PPM1E: variants seen among roughly 807,000 people sequenced by gnomAD.
PPM1E encodes protein phosphatase, Mg2+/Mn2+ dependent 1E.
Under a neutral mutation model 65.9 loss-of-function variants are expected in PPM1E, and 20 were observed. The ratio of observed to expected loss-of-function variants is 0.30; its 90% CI spans 0.21 to 0.44. The LOEUF (loss-of-function observed/expected upper bound fraction) is 0.44. Ranked by LOEUF, PPM1E falls within the 20% of genes least tolerant of loss-of-function variation. PPM1E has a pLI of 1.00. For missense variants in PPM1E, 713 were observed against 953.1 expected, an observed-to-expected ratio of 0.75 and a Z score of 3.32; for synonymous variants, 352 against 374.9, an observed-to-expected ratio of 0.94 and a Z score of 0.70.
rs2031370422 is a variant in PPM1E, at chr17:58,981,782, A to C, written c.*751A>C. Reference sequence around the variant, plus strand: ...GGAAATTTTTATTATTTAGCATTTTAGGAGACCGCTGTCAACTGGTTTTAA... The same window carrying C: ...GGAAATTTTTATTATTTAGCATTTTCGGAGACCGCTGTCAACTGGTTTTAA... On this transcript the variant is annotated 3_prime_UTR_variant, in exon 7 of 7. Transcript: ENST00000308249. 6.6e-6 allele frequency: 1 copy of C among 152,506 alleles called. No individual in the cohort carries two copies. Among genetic ancestry groups the C allele is most frequent in the South Asian group, 2.1e-4 (1 of 4,824 alleles). The allele number at this position is 152,506 out of a possible 1,614,324, so 9.4% of individuals were successfully genotyped here. A position where few individuals can be genotyped will look rare whatever the true frequency, so the allele number is the denominator to read the frequency against.
chr17:58,783,965 C>G (rs2050073583), intron 1 of PPM1E, among the ~76,000 whole-genome samples: 3 of 151,794 alleles, frequency 2.0e-5, no homozygotes, highest in African/African-American at 7.3e-5. Flanking sequence ...CCTGCCTCAG[C>G]CTCCCAAAGT....
chr17:58,928,958 C>A (rs2051859326), intron 1 of PPM1E, among the ~76,000 whole-genome samples: 1 of 152,104 alleles, frequency 6.6e-6, no homozygotes, highest in Non-Finnish European at 1.5e-5. Context: ...CCCGCCTCGG[C>A]CTCCCAAAGT....
chr17:58,933,631 A>G (rs919609016), intron 1 of PPM1E, among the ~76,000 whole-genome samples: 3 of 151,888 alleles, frequency 2.0e-5, no homozygotes, highest in African/African-American at 7.3e-5. Context: ...CTCCATCTCT[A>G]CTAACAATAC....
chr17:58,794,825 T>C (rs1426984318), intron 1 of PPM1E, among the ~76,000 whole-genome samples: 1 of 152,176 alleles, frequency 6.6e-6, no homozygotes, highest in Non-Finnish European at 1.5e-5. Flanking sequence ...GATAGGCATT[T>C]ATGTTGATCC....
At chr17:58,768,217 G>C (rs2049902026) in intron 1 of PPM1E, among the ~76,000 whole-genome samples, 1 of 152,098 alleles carries the variant, frequency 6.6e-6, no homozygotes, top group Non-Finnish European at 1.5e-5. Flanking sequence ...CTCTGAAAGT[G>C]CTAGGACTAC....
chr17:58,965,621 T>TC (rs2030197967), intron 2 of PPM1E, 73 bp from the exon 3 acceptor site: 3 of 1,464,062 alleles, frequency 2.0e-6, no homozygotes, highest in Non-Finnish European at 2.8e-6. Flanking sequence ...CCTACTTCTG[T>TC]CTTTACCAAG....
chr17:58,965,972 C>A, intron 3 of PPM1E, 79 bp downstream of exon 3: 9 of 1,394,854 alleles, frequency 6.5e-6, no homozygotes, highest in South Asian at 6.1e-5. Flanking sequence ...AAAAGGAAAA[C>A]TTCTGTTATA....
At chr17:58,966,758 CTCTTT>C (rs1195834806) in intron 3 of PPM1E, 2 of 152,864 alleles carry the variant, frequency 1.3e-5, no homozygotes, top group Non-Finnish European at 2.9e-5. Flanking sequence ...TGTCACTTGC[CTCTTT>C]TCTTCACTCA....
intron 1 of PPM1E, among the ~76,000 whole-genome samples, chr17:58,781,720 C>T (rs2050051655): frequency 1.3e-5 from 2 of 151,474 alleles, no homozygotes; most frequent in South Asian, 4.2e-4. Context: ...AACCCCGTCC[C>T]TACTGAAAAT....
chr17:58,793,164 T>C (rs1158961539), intron 1 of PPM1E, among the ~76,000 whole-genome samples: 2 of 152,082 alleles, frequency 1.3e-5, no homozygotes, highest in Non-Finnish European at 2.9e-5. Context: ...ATTTTCCTGA[T>C]TTGTTATACT....
chr17:58,853,190 T>A (rs536886218), intron 1 of PPM1E, among the ~76,000 whole-genome samples: 2 of 152,324 alleles, frequency 1.3e-5, no homozygotes, highest in African/African-American at 4.8e-5. Context: ...AAGGTTGTGC[T>A]TTCTTCTTTC....
At chr17:58,787,800 G>A (rs1290008349) in intron 1 of PPM1E, among the ~76,000 whole-genome samples, 4 of 151,394 alleles carry the variant, frequency 2.6e-5, no homozygotes, top group African/African-American at 7.3e-5. Flanking sequence ...CCAGCTACTC[G>A]GGAGGCTGAG....
chr17:58,842,647 A>G (rs1351038700), intron 1 of PPM1E, among the ~76,000 whole-genome samples: 1 of 152,032 alleles, frequency 6.6e-6, no homozygotes, highest in Non-Finnish European at 1.5e-5. Context: ...TCTACTAAAA[A>G]TACAAAATTA....
intron 2 of PPM1E, among the ~76,000 whole-genome samples, chr17:58,959,223 C>A (rs1372728995): frequency 1.4e-5 from 2 of 144,958 alleles, no homozygotes; most frequent in African/African-American, 5.1e-5. Context: ...GCAGGAGAAT[C>A]ACTTGAACCT....
intron 1 of PPM1E, among the ~76,000 whole-genome samples, chr17:58,881,438 T>A (rs1357905235): frequency 2.0e-5 from 3 of 151,304 alleles, no homozygotes. Context: ...CCGAGGTGAG[T>A]GGATCACAAG....
At chr17:58,954,420 T>C (rs553573608) in intron 1 of PPM1E, among the ~76,000 whole-genome samples, 1 of 152,230 alleles carries the variant, frequency 6.6e-6, no homozygotes, top group Non-Finnish European at 1.5e-5. Context: ...TGAATTCTTA[T>C]TACCCTTTGA....
intron 6 of PPM1E, among the ~76,000 whole-genome samples, chr17:58,978,543 TCTAATAAAAATATAAAAATTAGCCA>T (rs1311145361): frequency 6.6e-6 from 1 of 152,028 alleles, no homozygotes; most frequent in Non-Finnish European, 1.5e-5. Flanking sequence ...AAACCCCGTC[TCTAATAAAAATATAAAAATTAGCCA>T]GGTGTGGTGG....
At chr17:58,823,259 C>G (rs891592259) in intron 1 of PPM1E, among the ~76,000 whole-genome samples, 1 of 151,978 alleles carries the variant, frequency 6.6e-6, no homozygotes, top group African/African-American at 2.4e-5. Context: ...GTAGGCATTT[C>G]TCATAAATTT....
intron 1 of PPM1E, among the ~76,000 whole-genome samples, chr17:58,908,280 C>G (rs2051582689): frequency 6.6e-6 from 1 of 151,838 alleles, no homozygotes. Context: ...AGGGTTTCAT[C>G]ATGTTGGCCA....
Sources: allele counts gnomAD v4.1 joint callset (sites outside exome capture counted in the v4.1 genomes callset), GRCh38; gene constraint gnomAD v4.1.1; transcripts MANE v1.5; gene names NCBI Gene and HGNC (gene_info 2026-07-23, HGNC 2026-07-21).